Variants in CRMP1 observed in about 807,000 individuals in gnomAD.
The protein encoded by CRMP1 is dihydropyrimidinase-related protein 1.
CRMP1 carries 19 observed loss-of-function variants against 68.3 expected under a neutral mutation model. The observed-to-expected ratio is 0.28, with a 90% CI of 0.19 to 0.41. The LOEUF is 0.41. Among genes scored for constraint, CRMP1 ranks in the 10% least tolerant of loss-of-function variants. The probability of loss-of-function intolerance (pLI) is 1.00; values close to 1 mark genes in which losing one functional copy is unlikely to be tolerated. For synonymous variants in CRMP1, 439 were observed against 399.6 expected, an observed-to-expected ratio of 1.10 and a Z score of -1.18; for missense variants, 791 against 967.4, an observed-to-expected ratio of 0.82 and a Z score of 2.42.
intron 4 of CRMP1, among the ~76,000 whole-genome samples, chr4:5,852,727 T>A (rs752578895): frequency 6.6e-6 from 1 of 152,164 alleles, no homozygotes; most frequent in African/African-American, 2.4e-5. Flanking sequence ...GCTCGCCATC[T>A]GGGCTGGGGT....
In CRMP1 at chr4:5,892,685, C is replaced by T. The variant is rs1234747494; in HGVS notation, c.285G>A (p.Ala95=). 17 of 1,218,318 alleles carry T rather than the reference C, an allele frequency of 1.4e-5. No homozygotes were observed. Among genetic ancestry groups the T allele is most frequent in the Non-Finnish European group, 1.3e-5 (13 of 979,406 alleles). The allele number at this position is 1,218,318 out of a possible 1,614,324, so 75.5% of individuals were successfully genotyped here. ...ASDVSEPSGS[A]VSSPGERDER... ...CGTCGCGCTCTCCGGGAGAGCTGAC[C>T]GCGGAGCCCGAGGGCTCGCTCACGT... Residue 95 remains alanine (A), a synonymous_variant, in exon 1 of 14, where the codon GCG becomes GCA. Coordinates refer to ENST00000324989, the MANE Select transcript of CRMP1 (RefSeq NM_001014809.3). The surrounding 1 kb of genome is among the most constrained non-coding windows in gnomAD (Gnocchi z 8.6).
intron 8 of CRMP1, among the ~76,000 whole-genome samples, chr4:5,840,976 T>TACAC (rs3836553): frequency 0.36 from 54,765 of 151,966 alleles, 10,886 homozygotes; most frequent in African/African-American, 0.51. Context: ...ACATGTAAGA[T>TACAC]ACTGAATTTT....
chr4:5,844,093 A>G (rs894663160), intron 6 of CRMP1, among the ~76,000 whole-genome samples: 2 of 152,208 alleles, frequency 1.3e-5, no homozygotes, highest in African/African-American at 4.8e-5. Flanking sequence ...ATCACCCATG[A>G]AAAGAAATCA....
Position 5,856,393 on chromosome 4 carries a change from C to G in CRMP1, c.656-86G>C. The G allele has an allele frequency of 2.5e-6, 3 of 1,188,142 alleles. No homozygotes were observed. In the Admixed American group the frequency reaches 6.0e-5, roughly 24 times the overall value. 73.6% of individuals were successfully genotyped at this position (1,188,142 alleles called of 1,614,324 possible). Reference sequence around the variant, plus strand: ...TCATTACCACTACCACCATCATCACCATCATTACCATCACCACCATCATCA... The same window carrying G: ...TCATTACCACTACCACCATCATCACGATCATTACCATCACCACCATCATCA... On this transcript the variant is annotated intron_variant, in intron 3 of 13. Coordinates refer to ENST00000324989, the MANE Select transcript of CRMP1 (RefSeq NM_001014809.3).
At chr4:5,863,610 C>G (rs1022452801) in intron 2 of CRMP1, among the ~76,000 whole-genome samples, 2 of 152,066 alleles carry the variant, frequency 1.3e-5, no homozygotes, top group Non-Finnish European at 2.9e-5. Flanking sequence ...GAGACAGACG[C>G]CCCTCCCCCA....
chr4:5,856,276 G>T lies in CRMP1; in HGVS notation c.687C>A (p.Ser229Arg), dbSNP rs751232611. ...IDHVVPEPGS[S>R]LLTSFEKWHE... ...GCCACTTCTCGAAAGAGGTCAGTAGGCTGGACCCAGGTTCAGGAACAACAT... is the reference window on the plus strand; with the variant it reads ...GCCACTTCTCGAAAGAGGTCAGTAGTCTGGACCCAGGTTCAGGAACAACAT... Residue 229 changes from serine to arginine, a missense_variant, in exon 4 of 14, where the codon AGC becomes AGA. Physicochemically the swap from Ser to Arg is moderately radical, Grantham distance 110. Around this residue, in one of 3 missense-constraint regions of CRMP1, gnomAD observed 594 missense variants for 763.6 expected, o/e 0.78. Coordinates refer to ENST00000324989, the MANE Select transcript of CRMP1 (RefSeq NM_001014809.3). The T allele has an allele frequency of 6.2e-7, 1 of 1,613,606 alleles. No individual in the cohort carries two copies. The highest frequency in any genetic ancestry group is 8.5e-7 in the Non-Finnish European group (1 of 1,179,784).
At chr4:5,827,647 C>T (rs933714709) in intron 12 of CRMP1, among the ~76,000 whole-genome samples, 1 of 152,022 alleles carries the variant, frequency 6.6e-6, no homozygotes. Context: ...AACACACGCA[C>T]ACACATCCCC....
Position 5,888,214 on chromosome 4 carries a change from C to T in CRMP1, c.381+4375G>A. 1 of 1,263,774 alleles carries T rather than the reference C, an allele frequency of 7.9e-7. No individual in the cohort carries two copies. Among genetic ancestry groups the T allele is most frequent in the South Asian group, 3.5e-5 (1 of 28,446 alleles). 78.3% of individuals were successfully genotyped at this position (1,263,774 alleles called of 1,614,324 possible). A position where few individuals can be genotyped will look rare whatever the true frequency, so the allele number is the denominator to read the frequency against. On this transcript the variant is annotated intron_variant, in intron 1 of 13. Transcript: ENST00000324989. This position sits in a 1 kb window ranked among gnomAD's most constrained non-coding sequence, Gnocchi z 6.4. ...AAAGGCCAGCGCGGGGCGGCGGGGG[C>T]GGGGGCCGCTTACCGTGATGTGCGG...
intron 11 of CRMP1, among the ~76,000 whole-genome samples, chr4:5,831,742 C>T (rs1484251242): frequency 1.3e-5 from 2 of 152,138 alleles, no homozygotes; most frequent in Non-Finnish European, 1.5e-5. Flanking sequence ...AATGCCACAC[C>T]CTGCATTTCA....
At chr4:5,863,568 AAGG>A (rs1444182852) in intron 2 of CRMP1, among the ~76,000 whole-genome samples, 2 of 152,188 alleles carry the variant, frequency 1.3e-5, no homozygotes, top group Non-Finnish European at 2.9e-5. Flanking sequence ...CTGGAAAGGG[AAGG>A]AGGAGAGAGG....
intron 8 of CRMP1, among the ~76,000 whole-genome samples, chr4:5,840,132 G>A (rs934121659): frequency 6.6e-6 from 1 of 152,182 alleles, no homozygotes; most frequent in East Asian, 1.9e-4. Context: ...GGCAGGGAAA[G>A]CAGCCAATAA....
chr4:5,857,857 A>T (rs1713248546), intron 3 of CRMP1, among the ~76,000 whole-genome samples: 1 of 152,014 alleles, frequency 6.6e-6, no homozygotes, highest in African/African-American at 2.4e-5. Context: ...ATAAAATCTT[A>T]AATGTAAAGT....
In CRMP1 at chr4:5,888,134, C is replaced by A; in HGVS notation, c.381+4455G>T. The A allele has an allele frequency of 8.2e-7, 1 of 1,221,228 alleles. No homozygotes were observed. Among genetic ancestry groups the A allele is most frequent in the Non-Finnish European group, 1.0e-6 (1 of 979,700 alleles). 75.6% of individuals were successfully genotyped at this position (1,221,228 alleles called of 1,614,324 possible). On this transcript the variant is annotated intron_variant, in intron 1 of 13. Coordinates refer to ENST00000324989, the MANE Select transcript of CRMP1 (RefSeq NM_001014809.3). The surrounding 1 kb of genome is among the most constrained non-coding windows in gnomAD (Gnocchi z 6.4). ...GCGACGCAGGAGGCCTCGGGGGGCG[C>A]CCCTGCCGGCGCCCCGTGGATCTGG...
At chr4:5,824,398 T>C (rs1260033242) in intron 13 of CRMP1, 1 of 985,266 alleles carries the variant, frequency 1.0e-6, no homozygotes, top group East Asian at 1.1e-4. Context: ...CCTTGATTCA[T>C]GCCTCCTCGG....
chr4:5,847,065 G>T (rs1712276324), intron 6 of CRMP1, among the ~76,000 whole-genome samples: 1 of 152,132 alleles, frequency 6.6e-6, no homozygotes, highest in African/African-American at 2.4e-5. Flanking sequence ...CTTATTCTCA[G>T]GCTTTGAAAC....
chr4:5,840,765 C>T (rs1373474252), intron 8 of CRMP1, among the ~76,000 whole-genome samples: 1 of 152,330 alleles, frequency 6.6e-6, no homozygotes, highest in East Asian at 1.9e-4. Context: ...TGTAACCTCT[C>T]TGAGCCCCGG....
chr4:5,887,562 G>A (rs1715680712), intron 1 of CRMP1: 1 of 985,414 alleles, frequency 1.0e-6, no homozygotes, highest in Non-Finnish European at 1.2e-6. Flanking sequence ...ACGCAGCCCG[G>A]CTGTTCTGCC....
At chr4:5,824,620 AAT>A (rs1719243819) in intron 13 of CRMP1, 12 of 950,502 alleles carry the variant, frequency 1.3e-5, no homozygotes, top group African/African-American at 1.8e-5. Flanking sequence ...ATGACCTGAG[AAT>A]AGTTTGTACA....
chr4:5,826,113 T>C (rs867491639), intron 12 of CRMP1: 2 of 204,798 alleles, frequency 9.8e-6, no homozygotes, highest in African/African-American at 2.4e-5. Context: ...TACACACCCA[T>C]ATATACACTT....
Sources: allele counts gnomAD v4.1 joint callset (sites outside exome capture counted in the v4.1 genomes callset), GRCh38; gene constraint gnomAD v4.1.1; regional missense constraint gnomAD v4.1.1; non-coding constraint Gnocchi (gnomAD v3.1); transcripts MANE v1.5; gene names NCBI Gene and HGNC (gene_info 2026-07-23, HGNC 2026-07-21).